Variants in LRMDA observed in about 807,000 individuals in gnomAD.
The protein encoded by LRMDA is leucine-rich melanocyte differentiation-associated protein.
LRMDA carries 18 observed loss-of-function variants against 29.8 expected under a neutral mutation model. That is an observed-to-expected ratio of 0.60 (90% CI 0.42 to 0.90). The LOEUF is 0.90. Among genes scored for constraint, LRMDA ranks in the 40% least tolerant of loss-of-function variants. The probability of loss-of-function intolerance (pLI) is 0.00; values close to 1 mark genes in which losing one functional copy is unlikely to be tolerated. For missense variants in LRMDA, 273 were observed against 273.9 expected, an observed-to-expected ratio of 1.00 and a Z score of 0.02; for synonymous variants, 125 against 109.4, an observed-to-expected ratio of 1.14 and a Z score of -0.89.
At chr10:76,111,588 G>C (rs1464627469) in intron 5 of LRMDA, among the ~76,000 whole-genome samples, 1 of 152,194 alleles carries the variant, frequency 6.6e-6, no homozygotes, top group Non-Finnish European at 1.5e-5. Context: ...AACAACTTTT[G>C]ACCAAAATAA....
intron 6 of LRMDA, among the ~76,000 whole-genome samples, chr10:76,393,944 A>C (rs1274798229): frequency 6.6e-6 from 1 of 152,002 alleles, no homozygotes; most frequent in African/African-American, 2.4e-5. Flanking sequence ...TGTTCTTGGT[A>C]CCTTTGTGGA....
chr10:76,338,082 A>G (rs1840991184), intron 6 of LRMDA, among the ~76,000 whole-genome samples: 1 of 151,982 alleles, frequency 6.6e-6, no homozygotes, highest in African/African-American at 2.4e-5. Context: ...AGAAAAAAAA[A>G]AAAACAATTC....
intron 2 of LRMDA, among the ~76,000 whole-genome samples, chr10:75,819,886 G>A (rs935771924): frequency 1.5e-4 from 23 of 152,132 alleles, no homozygotes; most frequent in African/African-American, 5.1e-4. Flanking sequence ...TGCCATAAGT[G>A]TAAAATACAC....
At chr10:75,793,098 G>T (rs1843596214) in intron 2 of LRMDA, among the ~76,000 whole-genome samples, 1 of 152,190 alleles carries the variant, frequency 6.6e-6, no homozygotes, top group South Asian at 2.1e-4. Flanking sequence ...AGGAGCAAAG[G>T]GATAGCATAC....
At chr10:75,483,867 G>GTTTTTT (rs548925147) in intron 2 of LRMDA, among the ~76,000 whole-genome samples, 26,802 of 118,670 alleles carry the variant, frequency 0.23, 3,751 homozygotes, top group African/African-American at 0.3. Flanking sequence ...GTATGGAGAG[G>GTTTTTT]TTTTTTTTTT....
At chr10:76,531,112 CACAGTA>C (rs1843229067) in intron 6 of LRMDA, among the ~76,000 whole-genome samples, 1 of 152,164 alleles carries the variant, frequency 6.6e-6, no homozygotes, top group Non-Finnish European at 1.5e-5. Flanking sequence ...CCGCCACTGT[CACAGTA>C]ATAAAGCACT....
At chr10:75,630,089 A>C (rs542524747) in intron 2 of LRMDA, among the ~76,000 whole-genome samples, 1 of 152,312 alleles carries the variant, frequency 6.6e-6, no homozygotes, top group East Asian at 1.9e-4. Flanking sequence ...TTTCATTTTT[A>C]TATCCCAAGT....
chr10:76,073,574 T>C (rs1295739879), intron 5 of LRMDA, among the ~76,000 whole-genome samples: 1 of 152,202 alleles, frequency 6.6e-6, no homozygotes, highest in African/African-American at 2.4e-5. Flanking sequence ...TGTGTGTGTA[T>C]GTGTGTTTCC....
chr10:76,408,690 C>G (rs1254403245), intron 6 of LRMDA, among the ~76,000 whole-genome samples: 3 of 151,938 alleles, frequency 2.0e-5, no homozygotes, highest in African/African-American at 7.3e-5. Context: ...TTTCATTTTC[C>G]CTTTTGTTTT....
At chr10:76,461,343 A>G (rs556581579) in intron 6 of LRMDA, among the ~76,000 whole-genome samples, 46 of 152,252 alleles carry the variant, frequency 3.0e-4, no homozygotes, top group African/African-American at 1.0e-3. Context: ...GTTGAACTTC[A>G]CTGCCAGTGA....
At chr10:76,146,811 C>T (rs1323567535) in intron 5 of LRMDA, among the ~76,000 whole-genome samples, 5 of 152,146 alleles carry the variant, frequency 3.3e-5, no homozygotes. Flanking sequence ...CATGTTTTTG[C>T]AGTGGCTGGT....
chr10:75,792,113 C>A (rs1382269655), intron 2 of LRMDA, among the ~76,000 whole-genome samples: 1 of 152,028 alleles, frequency 6.6e-6, no homozygotes, highest in Non-Finnish European at 1.5e-5. Flanking sequence ...CCGCCTCGGC[C>A]TCTCAAAGTG....
At chr10:76,091,733 G>A (rs1849235122) in intron 5 of LRMDA, among the ~76,000 whole-genome samples, 1 of 152,056 alleles carries the variant, frequency 6.6e-6, no homozygotes, top group African/African-American at 2.4e-5. Flanking sequence ...TGTTGCCCAG[G>A]CTAGAGTACA....
At chr10:75,991,248 G>A (rs563297263) in intron 2 of LRMDA, among the ~76,000 whole-genome samples, 2 of 152,252 alleles carry the variant, frequency 1.3e-5, no homozygotes, top group South Asian at 2.1e-4. Context: ...GGAAGATAGG[G>A]AATATAGAAT....
chr10:75,464,428 A>G (rs1844627087), intron 2 of LRMDA, among the ~76,000 whole-genome samples: 2 of 152,206 alleles, frequency 1.3e-5, no homozygotes, highest in Admixed American at 6.5e-5. Context: ...GTATGTAAGC[A>G]CACATGTTAG....
At chr10:76,236,835 TA>T (rs1410503393) in intron 5 of LRMDA, among the ~76,000 whole-genome samples, 114 of 152,362 alleles carry the variant, frequency 7.5e-4, no homozygotes, top group African/African-American at 2.6e-3. Flanking sequence ...GAAATACTGT[TA>T]TCAAAATATT....
At chr10:76,040,592 C>G (rs1416136657) in intron 3 of LRMDA, among the ~76,000 whole-genome samples, 1 of 152,124 alleles carries the variant, frequency 6.6e-6, no homozygotes, top group Non-Finnish European at 1.5e-5. Flanking sequence ...CTCTCTCACA[C>G]CCAACCACGA....
At chr10:76,300,116 G>A (rs1401524837) in intron 5 of LRMDA, among the ~76,000 whole-genome samples, 1 of 152,156 alleles carries the variant, frequency 6.6e-6, no homozygotes, top group African/African-American at 2.4e-5. Context: ...AAACAATTGA[G>A]TGTTTTCAGT....
intron 2 of LRMDA, among the ~76,000 whole-genome samples, chr10:75,955,751 T>C (rs534990270): frequency 6.6e-5 from 10 of 152,204 alleles, no homozygotes; most frequent in African/African-American, 1.9e-4. Flanking sequence ...CTGGTATACA[T>C]TTGTTCGTAT....
Sources: allele counts gnomAD v4.1 joint callset (sites outside exome capture counted in the v4.1 genomes callset), GRCh38; gene constraint gnomAD v4.1.1; transcripts MANE v1.5; gene names NCBI Gene and HGNC (gene_info 2026-07-23, HGNC 2026-07-21).